ARHGEF15: variants seen among roughly 807,000 people sequenced by gnomAD.
ARHGEF15 encodes Rho guanine nucleotide exchange factor 15, also known as Rho guanine nucleotide exchange factor (GEF) 15.
A neutral mutation model predicts 79.7 loss-of-function variants in ARHGEF15; 58 were observed. The ratio of observed to expected loss-of-function variants is 0.73; its 90% confidence interval spans 0.59 to 0.91. ARHGEF15 has a LOEUF of 0.91. Among genes scored for constraint, ARHGEF15 ranks in the 40% least tolerant of loss-of-function variants. The pLI, the probability that ARHGEF15 is intolerant of heterozygous loss-of-function variation, is 0.00. For missense variants in ARHGEF15, 1,012 were observed against 1,108.1 expected (o/e 0.91, Z 1.23); for synonymous variants, 442 against 456.0 (o/e 0.97, Z 0.39).
At position 8,318,857 on chromosome 17, in the gene ARHGEF15, C is replaced by A. The variant is rs1446420109; in HGVS notation, c.1980C>A (p.Thr660=). The change falls in exon 12 of 16, where the codon ACC becomes ACA. Residue 660 remains threonine (T), a synonymous_variant. Transcript: ENST00000361926. The surrounding 1 kb of genome is among the most constrained non-coding windows in gnomAD (Gnocchi z 5.0). ...TCTTTGCCTCGCGCCCCCGCTTCACCCCTCTTTGCCTGCTGCTCTTTAGCG... is the reference window on the plus strand; with the variant it reads ...TCTTTGCCTCGCGCCCCCGCTTCACACCTCTTTGCCTGCTGCTCTTTAGCG... ...GVLFASRPRF[T]PLCLLLFSDL... is the part of the protein sequence containing the mutation. 1 of 1,613,414 alleles carries A rather than the reference C, an allele frequency of 6.2e-7. No individual in the cohort carries two copies. Among genetic ancestry groups the A allele is most frequent in the Admixed American group, 1.7e-5 (1 of 60,026 alleles).
chr17:8,319,607 A>G lies in ARHGEF15; in HGVS notation c.2374+4A>G. 1 of 1,548,920 alleles carries G rather than the reference A, an allele frequency of 6.5e-7. No homozygotes were observed. Among genetic ancestry groups the G allele is most frequent in the Admixed American group, 2.2e-5 (1 of 44,984 alleles). On this transcript the variant is annotated splice_donor_region_variant and intron_variant, in intron 15 of 15. Transcript: ENST00000361926. ...CACCTGCACAAGACCCCTGAAGGTG[A>G]GAAAGTCTTTCATTTATTTATTTTG...
chr17:8,319,532 C>T lies in ARHGEF15; in HGVS notation c.2303C>T (p.Ala768Val), dbSNP rs775545004. ...CSQELCSESS[A>V]PAKTEGRSLE... ...CAGGAACTGTGTTCAGAGTCGTCTG[C>T]ACCTGCCAAGACTGAAGGACGGAGT... Residue 768 changes from alanine to valine, a missense_variant, in exon 15 of 16, where the codon GCA becomes GTA. Physicochemically the swap from Ala to Val is moderately conservative, Grantham distance 64. Transcript: ENST00000361926. 1 of 1,611,306 alleles carries T rather than the reference C, an allele frequency of 6.2e-7. No homozygotes were observed. The highest frequency in any genetic ancestry group is 1.1e-5 in the South Asian group (1 of 90,614).
At position 8,318,353 on chromosome 17, in the gene ARHGEF15, AG is replaced by A. The variant is rs1255923130; in HGVS notation, c.1705-29del. ...CCTCTGAATCCCAGGGCCACAGAGC[AG>A]GGGGCCCAGTCACCCTTCCTCCTTG... On this transcript the variant is annotated intron_variant, in intron 9 of 15. Coordinates refer to ENST00000361926, the MANE Select transcript of ARHGEF15 (RefSeq NM_173728.4). The surrounding 1 kb of genome is among the most constrained non-coding windows in gnomAD (Gnocchi z 5.0). 1 of 1,599,612 alleles carries A rather than the reference AG, an allele frequency of 6.3e-7. No homozygotes were observed. The highest frequency in any genetic ancestry group is 8.5e-7 in the Non-Finnish European group (1 of 1,169,826).
chr17:8,316,016 C>T lies in ARHGEF15; in HGVS notation c.1575-3C>T. On this transcript the variant is annotated splice_region_variant and splice_polypyrimidine_tract_variant and intron_variant, in intron 8 of 15. Coordinates refer to ENST00000361926, the MANE Select transcript of ARHGEF15 (RefSeq NM_173728.4). The stretch of plus-strand genomic sequence containing the variant: ...CAGCCGCTAGCCATGCCTGCTTCTG[C>T]AGGGACACCAACGTGCGCTTCTCCG... 1 of 1,601,594 alleles carries T rather than the reference C, an allele frequency of 6.2e-7. No homozygotes were observed. The highest frequency in any genetic ancestry group is 2.2e-5 in the East Asian group (1 of 44,828).
chr17:8,320,477 G>A (rs1905310788), intron 15 of ARHGEF15, among the ~76,000 whole-genome samples: 1 of 152,162 alleles, frequency 6.6e-6, no homozygotes, highest in Non-Finnish European at 1.5e-5. Flanking sequence ...CGGCTGGTGT[G>A]TGACTGAGGA....
intron 15 of ARHGEF15, 134 bp from the exon 16 acceptor site, chr17:8,320,708 C>A: frequency 1.3e-6 from 1 of 758,988 alleles, no homozygotes; most frequent in African/African-American, 1.8e-5. Flanking sequence ...CCCTTTCTAC[C>A]GATGCTCCAG....
chr17:8,312,682 C>G, intron 2 of ARHGEF15, 42 bp downstream of exon 2: 1 of 1,610,408 alleles, frequency 6.2e-7, no homozygotes, highest in Non-Finnish European at 8.5e-7. Flanking sequence ...CCTCAATCCA[C>G]CCATCTTCTC....
rs1905142412 is a variant in ARHGEF15 at position 8,318,053 on chromosome 17, A to G, written c.1705-334A>G. ...CCCTGCACTCCAGCCTGGGTGACAG[A>G]GCCAGACTCCGGAAGAAAAAAAAAT... is the stretch of plus-strand genomic sequence containing the variant. On this transcript the variant is annotated intron_variant, in intron 9 of 15. Coordinates refer to ENST00000361926, the MANE Select transcript of ARHGEF15 (RefSeq NM_173728.4). The surrounding 1 kb of genome is among the most constrained non-coding windows in gnomAD (Gnocchi z 5.0). The G allele has an allele frequency of 5.3e-6, 1 of 189,942 alleles. No homozygotes were observed. The highest frequency in any genetic ancestry group is 2.3e-5 in the African/African-American group (1 of 42,642). 11.8% of individuals were successfully genotyped at this position (189,942 alleles called of 1,614,324 possible). A position where few individuals can be genotyped will look rare whatever the true frequency, so the allele number is the denominator to read the frequency against.
chr17:8,318,544 G>A lies in ARHGEF15; in HGVS notation c.1780-26G>A. 1 of 1,612,714 alleles carries A rather than the reference G, an allele frequency of 6.2e-7. No individual in the cohort carries two copies. The highest frequency in any genetic ancestry group is 8.5e-7 in the Non-Finnish European group (1 of 1,179,002). ...AGGGAGCAGGGGGCTGGCCGCTGGG[G>A]TGGTGACACAGCTCCCCTTACCTAG... On this transcript the variant is annotated intron_variant, in intron 10 of 15. Coordinates refer to ENST00000361926, the MANE Select transcript of ARHGEF15 (RefSeq NM_173728.4). This position sits in a 1 kb window ranked among gnomAD's most constrained non-coding sequence, Gnocchi z 5.0.
rs1196063804 is a variant in ARHGEF15 at position 8,313,008 on chromosome 17, G to A, written c.688G>A (p.Gly230Ser). ...GLELRWVPVG[G>S]YEEVPRVPRR... ...GGAGCTCAGATGGGTGCCTGTGGGG[G>A]GCTATGAGGAGGTCCCCAGGGTCCC... is the stretch of plus-strand genomic sequence containing the variant. Residue 230 changes from glycine (G) to serine (S), a missense_variant, in exon 3 of 16, where the codon GGC becomes AGC. Physicochemically the swap from Gly to Ser is moderately conservative, Grantham distance 56. Around this residue, in one of 3 missense-constraint regions of ARHGEF15, gnomAD observed 818 missense variants for 882.5 expected, o/e 0.93. Coordinates refer to ENST00000361926, the MANE Select transcript of ARHGEF15 (RefSeq NM_173728.4). 1 of 1,611,970 alleles carries A rather than the reference G, an allele frequency of 6.2e-7. No individual in the cohort carries two copies. The highest frequency in any genetic ancestry group is 1.7e-5 in the Admixed American group (1 of 59,960).
chr17:8,319,518 T>A lies in ARHGEF15; in HGVS notation c.2289T>A (p.Cys763Ter). Residue 763 changes from cysteine (C) to a stop codon, truncating the protein, a stop_gained, in exon 15 of 16, where the codon TGT becomes TGA. Transcript: ENST00000361926. LOFTEE classifies it high-confidence loss of function. ...AACCAGACTGTTCCCAGGAACTGTG[T>A]TCAGAGTCGTCTGCACCTGCCAAGA... Reference protein sequence around the residue: ...YEDCDCSQELCSESSAPAKTE... With the variant: ...YEDCDCSQEL The A allele has an allele frequency of 6.2e-7, 1 of 1,608,784 alleles. No homozygotes were observed. The highest frequency in any genetic ancestry group is 8.5e-7 in the Non-Finnish European group (1 of 1,177,950).
chr17:8,319,053 C>T lies in ARHGEF15; in HGVS notation c.2080C>T (p.Gln694Ter), dbSNP rs1270007788. ...GGACTATGCCCATCGCTCCCTGGTC[C>T]AGGCCCAGCAGGTTCCGGATCCATC... ...VLDYAHRSLV[Q>*]AQQVPDPSGP... The change falls in exon 13 of 16, where the codon CAG becomes TAG. Residue 694 changes from glutamine (Q) to a stop codon, truncating the protein, a stop_gained. Transcript: ENST00000361926. LOFTEE classifies it high-confidence loss of function. The T allele has an allele frequency of 6.2e-7, 1 of 1,613,914 alleles. No homozygotes were observed.
At chr17:8,312,701 G>A in intron 2 of ARHGEF15, 61 bp downstream of exon 2, 8 of 1,608,810 alleles carry the variant, frequency 5.0e-6, no homozygotes, top group Non-Finnish European at 6.8e-6. Context: ...TCCGTTTTCA[G>A]TGCTAACAAC....
In ARHGEF15 at chr17:8,318,143, C is replaced by T. The variant is rs1045465631; in HGVS notation, c.1705-244C>T. 5.8e-6 allele frequency: 3 copies of T among 515,038 alleles called. No homozygotes were observed. Among genetic ancestry groups the T allele is most frequent in the Admixed American group, 3.5e-5 (1 of 28,790 alleles). The allele number at this position is 515,038 out of a possible 1,614,324, so 31.9% of individuals were successfully genotyped here. A position where few individuals can be genotyped will look rare whatever the true frequency, so the allele number is the denominator to read the frequency against. On this transcript the variant is annotated intron_variant, in intron 9 of 15. Transcript: ENST00000361926. This position sits in a 1 kb window ranked among gnomAD's most constrained non-coding sequence, Gnocchi z 5.0. ...ATGCTAAGCACTTTACATATATTGC[C>T]TTCTTGAATCCTCAAAACAATGCTA...
rs1357559028 is a variant in ARHGEF15, at chr17:8,320,981, C to T, written c.2514C>T (p.Ala838=). 7 of 1,613,572 alleles carry T rather than the reference C, an allele frequency of 4.3e-6. No individual in the cohort carries two copies. Among genetic ancestry groups the T allele is most frequent in the Middle Eastern group, 1.6e-4 (1 of 6,082 alleles). ...GATCTTCTTCAGGCACCCCCAATGC[C>T]CCCCCACCCTAATGCAGGCTGAGGA... The part of the protein sequence containing the change: ...AVGSSSGTPN[A]PPP Residue 838 remains alanine, a synonymous_variant, in exon 16 of 16, where the codon GCC becomes GCT. Coordinates refer to ENST00000361926, the MANE Select transcript of ARHGEF15 (RefSeq NM_173728.4).
chr17:8,312,496 C>G lies in ARHGEF15; in HGVS notation c.457C>G (p.Leu153Val). 1 of 1,612,804 alleles carries G rather than the reference C, an allele frequency of 6.2e-7. No individual in the cohort carries two copies. Among genetic ancestry groups the G allele is most frequent in the Non-Finnish European group, 8.5e-7 (1 of 1,179,492 alleles). Reference sequence around the variant, plus strand: ...CTCAGCTCCTGGCACTGTGCGGAGGCTGGCTGGCAGGTTTGAAGGGGGTGC... The same window carrying G: ...CTCAGCTCCTGGCACTGTGCGGAGGGTGGCTGGCAGGTTTGAAGGGGGTGC... ...SASAPGTVRR[L>V]AGRFEGGAEG... The change falls in exon 2 of 16, where the codon CTG becomes GTG. Residue 153 changes from leucine to valine, a missense_variant. By Grantham distance (32) the Leu-to-Val change is conservative (BLOSUM62 1). Coordinates refer to ENST00000361926, the MANE Select transcript of ARHGEF15 (RefSeq NM_173728.4).
chr17:8,315,734 T>TTG lies in ARHGEF15; in HGVS notation c.1422-20_1422-19dup. On this transcript the variant is annotated intron_variant, in intron 7 of 15. Transcript: ENST00000361926. The surrounding 1 kb of genome is among the most constrained non-coding windows in gnomAD (Gnocchi z 4.3). ...CTGGCTCTCTGCCCCGCCCCATTGCTTGCTTCCCCAATTCCTTCAGGTTTC... is the reference window on the plus strand; with the variant it reads ...CTGGCTCTCTGCCCCGCCCCATTGCTTGTGCTTCCCCAATTCCTTCAGGTTTC... The TTG allele has an allele frequency of 1.9e-6, 3 of 1,608,348 alleles. No individual in the cohort carries two copies. The highest frequency in any genetic ancestry group is 2.5e-6 in the Non-Finnish European group (3 of 1,176,776).
At position 8,313,187 on chromosome 17, in the gene ARHGEF15, T is replaced by C. The variant is rs1376159444; in HGVS notation, c.867T>C (p.Asp289=). 3.1e-6 allele frequency: 5 copies of C among 1,610,160 alleles called. No homozygotes were observed. Among genetic ancestry groups the C allele is most frequent in the Non-Finnish European group, 4.2e-6 (5 of 1,179,966 alleles). ...KPPKPTRVRQ[D]ATIFGDPPQP... The stretch of plus-strand genomic sequence containing the variant: ...CCAAACCAACTCGTGTCAGGCAGGA[T>C]GCCACCATTTTCGGGGACCCCCCAC... The change falls in exon 3 of 16, where the codon GAT becomes GAC. Residue 289 remains aspartate, a synonymous_variant. Transcript: ENST00000361926.
intron 4 of ARHGEF15, 38 bp downstream of exon 4, chr17:8,313,593 C>T: frequency 6.3e-7 from 1 of 1,593,010 alleles, no homozygotes; most frequent in Non-Finnish European, 8.5e-7. Flanking sequence ...TGGTTCTCTC[C>T]CCACCATGCT....
Sources: allele counts gnomAD v4.1 joint callset (sites outside exome capture counted in the v4.1 genomes callset), GRCh38; gene constraint gnomAD v4.1.1; regional missense constraint gnomAD v4.1.1; non-coding constraint Gnocchi (gnomAD v3.1); transcripts MANE v1.5; gene names NCBI Gene and HGNC (gene_info 2026-07-23, HGNC 2026-07-21).